Variants in PTPRO observed in about 807,000 individuals in gnomAD.
The protein encoded by PTPRO is receptor-type tyrosine-protein phosphatase O.
Under a neutral mutation model 145.2 loss-of-function variants are expected in PTPRO, and 62 were observed. The ratio of observed to expected loss-of-function variants is 0.43; its 90% CI spans 0.35 to 0.53. The LOEUF (loss-of-function observed/expected upper bound fraction) is 0.53, where lower values mean the gene tolerates loss of function less well. Among genes scored for constraint, PTPRO ranks in the 20% least tolerant of loss-of-function variants. The probability of loss-of-function intolerance (pLI) is 0.01; values close to 1 mark genes in which losing one functional copy is unlikely to be tolerated. For missense variants in PTPRO, 1,345 were observed against 1,482.7 expected (o/e 0.91, Z 1.53); for synonymous variants, 565 against 514.7 (o/e 1.10, Z -1.32).
chr12:15,419,508 T>C lies in PTPRO; in HGVS notation c.76-64466T>C, dbSNP rs972681480. ...TAACTGAAGTTAAAACAAAATCATG[T>C]TTTCTAACAGTTCAGGTGAATTTCA... On this transcript the variant is annotated intron_variant, in intron 1 of 26. Coordinates refer to ENST00000281171, the MANE Select transcript of PTPRO (RefSeq NM_030667.3). 1.3e-5 allele frequency among the ~76,000 whole-genome samples: 2 copies of C among 151,696 alleles called. 1 individual carries two copies. Among genetic ancestry groups the C allele is most frequent in the South Asian group, 4.1e-4 (2 of 4,820 alleles).
intron 1 of PTPRO, among the ~76,000 whole-genome samples, chr12:15,448,207 A>T (rs1372250857): frequency 6.6e-6 from 1 of 152,082 alleles, no homozygotes; most frequent in Non-Finnish European, 1.5e-5. Flanking sequence ...CATTCCAGGT[A>T]ACTTGCTTAC....
intron 1 of PTPRO, among the ~76,000 whole-genome samples, chr12:15,407,404 A>G (rs571706253): frequency 1.3e-5 from 2 of 152,202 alleles, no homozygotes; most frequent in South Asian, 2.1e-4. Context: ...TATTGAATAA[A>G]TCCGTAAAAC....
intron 9 of PTPRO, among the ~76,000 whole-genome samples, chr12:15,518,965 C>T (rs1232554116): frequency 1.3e-5 from 2 of 152,180 alleles, no homozygotes; most frequent in Non-Finnish European, 1.5e-5. Flanking sequence ...ATTGCTTCCA[C>T]AGTTCTGGGT....
intron 1 of PTPRO, among the ~76,000 whole-genome samples, chr12:15,381,694 A>G (rs1175130044): frequency 6.6e-6 from 1 of 152,170 alleles, no homozygotes; most frequent in Non-Finnish European, 1.5e-5. Flanking sequence ...CGCAGCTCCC[A>G]TGGAAAATTT....
In PTPRO at chr12:15,354,943, T is replaced by A. The variant is rs548724493; in HGVS notation, c.75+32142T>A. ...CCTAAAGACCCAAATCCTCTGTGCATTTAGTTACAAGCACCATTCTGCATT... is the reference window on the plus strand; with the variant it reads ...CCTAAAGACCCAAATCCTCTGTGCAATTAGTTACAAGCACCATTCTGCATT... On this transcript the variant is annotated intron_variant, in intron 1 of 26. Transcript: ENST00000281171. 3.3e-5 allele frequency among the ~76,000 whole-genome samples: 5 copies of A among 152,330 alleles called. No homozygotes were observed. The South Asian group carries it at 1.0e-3, about 32-fold the overall frequency.
At chr12:15,530,407 C>G (rs1416301855) in intron 12 of PTPRO, among the ~76,000 whole-genome samples, 1 of 152,120 alleles carries the variant, frequency 6.6e-6, no homozygotes, top group Non-Finnish European at 1.5e-5. Context: ...ACATTTCACC[C>G]AACTGCTATG....
At position 15,473,993 on chromosome 12, in the gene PTPRO, A is replaced by G. The variant is rs11056513; in HGVS notation, c.76-9981A>G. Among the ~76,000 whole-genome samples the G allele has an allele frequency of 5.2e-3, 791 of 152,282 alleles. 53 individuals are homozygous for G. The East Asian group carries it at 0.14, about 26-fold the overall frequency. On this transcript the variant is annotated intron_variant, in intron 1 of 26. Transcript: ENST00000281171. ...GACTTCCCCTAGTTCTCACAGGTAAAAGGCTACAGAGGCGGAAGAGAAACC... is the reference window on the plus strand; with the variant it reads ...GACTTCCCCTAGTTCTCACAGGTAAGAGGCTACAGAGGCGGAAGAGAAACC...
chr12:15,592,450 G>T (rs140562016), intron 25 of PTPRO, among the ~76,000 whole-genome samples: 10 of 152,040 alleles, frequency 6.6e-5, no homozygotes, highest in African/African-American at 2.4e-4. Flanking sequence ...ACATTGCCTT[G>T]ACCCCACCAT....
At chr12:15,392,745 A>T (rs992728905) in intron 1 of PTPRO, among the ~76,000 whole-genome samples, 3 of 147,556 alleles carry the variant, frequency 2.0e-5, no homozygotes, top group African/African-American at 7.5e-5. Flanking sequence ...AAAAAAAAGA[A>T]GAAAAAAGAA....
chr12:15,474,632 C>A (rs1406650049), intron 1 of PTPRO, among the ~76,000 whole-genome samples: 1 of 152,174 alleles, frequency 6.6e-6, no homozygotes, highest in Non-Finnish European at 1.5e-5. Flanking sequence ...AAATATTTTT[C>A]CTGCAGAGTC....
chr12:15,369,762 G>A (rs889616948), intron 1 of PTPRO, among the ~76,000 whole-genome samples: 5 of 151,820 alleles, frequency 3.3e-5, no homozygotes, highest in South Asian at 2.1e-4. Context: ...AACAAAAAAC[G>A]TATTTCTGGC....
intron 7 of PTPRO, among the ~76,000 whole-genome samples, chr12:15,509,209 A>C (rs1942385399): frequency 6.6e-6 from 1 of 152,174 alleles, no homozygotes; most frequent in Non-Finnish European, 1.5e-5. Flanking sequence ...GAGCGTGAGT[A>C]ACATGGATGA....
chr12:15,491,377 T>A (rs1941996446), intron 2 of PTPRO, among the ~76,000 whole-genome samples: 2 of 152,224 alleles, frequency 1.3e-5, no homozygotes, highest in Admixed American at 1.3e-4. Context: ...AAGTAATACA[T>A]AGCTACTTTT....
intron 1 of PTPRO, chr12:15,439,632 G>T: frequency 3.0e-6 from 1 of 331,984 alleles, no homozygotes; most frequent in Admixed American, 3.8e-5. Context: ...CATCTGGGCT[G>T]TGGTCACAGC....
chr12:15,352,415 C>T (rs2136232346), intron 1 of PTPRO, among the ~76,000 whole-genome samples: 2 of 152,134 alleles, frequency 1.3e-5, no homozygotes, highest in East Asian at 1.9e-4. Flanking sequence ...CTTTGGGAGG[C>T]CAAGGTGGGC....
intron 20 of PTPRO, among the ~76,000 whole-genome samples, chr12:15,579,438 C>G (rs1944260948): frequency 1.3e-5 from 2 of 152,236 alleles, no homozygotes; most frequent in African/African-American, 4.8e-5. Context: ...TTAGATTTCA[C>G]TTTTCTCTCT....
chr12:15,423,830 A>G (rs184052695), intron 1 of PTPRO, among the ~76,000 whole-genome samples: 1 of 152,316 alleles, frequency 6.6e-6, no homozygotes, highest in East Asian at 1.9e-4. Flanking sequence ...CTCCACTTAG[A>G]TGACTCAGAG....
chr12:15,543,799 G>A (rs543165269), intron 12 of PTPRO, among the ~76,000 whole-genome samples: 1 of 152,320 alleles, frequency 6.6e-6, no homozygotes, highest in Admixed American at 6.5e-5. Flanking sequence ...GAGACTTCAA[G>A]GAGGAGGTAA....
chr12:15,368,364 A>T (rs1938426713), intron 1 of PTPRO, among the ~76,000 whole-genome samples: 1 of 152,152 alleles, frequency 6.6e-6, no homozygotes, highest in Non-Finnish European at 1.5e-5. Context: ...GTGTAATTAA[A>T]CCATCTCCAT....
Sources: gnomAD v4.1 joint callset for allele counts (sites outside exome capture counted in the v4.1 genomes callset) on GRCh38, gnomAD v4.1.1 for gene constraint, MANE v1.5 for transcripts, NCBI Gene and HGNC (gene_info 2026-07-23, HGNC 2026-07-21) for gene names.